The following FAM171B variants were observed in gnomAD, a reference collection of about 807,000 sequenced individuals.
FAM171B encodes the protein family with sequence similarity 171 member B.
Under a neutral mutation model 75.6 loss-of-function variants are expected in FAM171B, and 19 were observed. That is an observed-to-expected ratio of 0.25 (90% confidence interval 0.18 to 0.37). The LOEUF (loss-of-function observed/expected upper bound fraction) is 0.37, where lower values mean the gene tolerates loss of function less well. FAM171B is among the 10% of genes least tolerant of loss of function. FAM171B has a pLI of 1.00. For synonymous variants in FAM171B, 367 were observed against 361.7 expected, an observed-to-expected ratio of 1.01 and a Z score of -0.17; for missense variants, 848 against 982.4, an observed-to-expected ratio of 0.86 and a Z score of 1.83.
At chr2:186,733,277 A>G (rs1295458197) in intron 1 of FAM171B, among the ~76,000 whole-genome samples, 1 of 152,230 alleles carries the variant, frequency 6.6e-6, no homozygotes, top group Non-Finnish European at 1.5e-5. Context: ...TAACTGACCA[A>G]TGGGTTCTTC....
intron 1 of FAM171B, among the ~76,000 whole-genome samples, chr2:186,708,820 G>A (rs771547199): frequency 4.6e-5 from 7 of 152,136 alleles, no homozygotes; most frequent in African/African-American, 1.2e-4. Context: ...CCAGCAATAC[G>A]TTGTCTAAAG....
At chr2:186,738,480 G>C (rs967525459) in intron 1 of FAM171B, among the ~76,000 whole-genome samples, 1 of 151,806 alleles carries the variant, frequency 6.6e-6, no homozygotes, top group Non-Finnish European at 1.5e-5. Context: ...ATAGTCCATG[G>C]GTCTTCTTGG....
intron 1 of FAM171B, among the ~76,000 whole-genome samples, chr2:186,702,941 A>T (rs1322448348): frequency 2.6e-5 from 4 of 152,028 alleles, no homozygotes; most frequent in Non-Finnish European, 5.9e-5. Flanking sequence ...ATATCATCAT[A>T]ATTTAGGGAA....
chr2:186,749,322 G>A (rs189225421), intron 4 of FAM171B, among the ~76,000 whole-genome samples: 2 of 152,104 alleles, frequency 1.3e-5, no homozygotes, highest in African/African-American at 4.8e-5. Flanking sequence ...ATGCTGGTGT[G>A]TCAGTTTCAA....
intron 3 of FAM171B, among the ~76,000 whole-genome samples, chr2:186,744,621 G>A (rs879369187): frequency 3.9e-5 from 6 of 152,102 alleles, no homozygotes; most frequent in South Asian, 4.1e-4. Flanking sequence ...TCTGCCTCCC[G>A]GGTTCAAGTG....
intron 1 of FAM171B, among the ~76,000 whole-genome samples, chr2:186,739,591 T>C (rs1417979385): frequency 1.3e-5 from 2 of 152,160 alleles, no homozygotes; most frequent in Admixed American, 6.5e-5. Flanking sequence ...GTCTTCCACC[T>C]CCACATCTTG....
chr2:186,740,544 TG>T (rs1690274889), intron 2 of FAM171B, 83 bp downstream of exon 2: 1 of 1,194,848 alleles, frequency 8.4e-7, no homozygotes, highest in Non-Finnish European at 1.2e-6. Flanking sequence ...TATCTTGTTC[TG>T]GTAAGCTGAA....
chr2:186,751,745 T>C (rs748512404), intron 5 of FAM171B, among the ~76,000 whole-genome samples: 1 of 152,152 alleles, frequency 6.6e-6, no homozygotes, highest in Non-Finnish European at 1.5e-5. Flanking sequence ...CCTTAGATAC[T>C]AGTTTTGTTT....
chr2:186,705,171 C>T (rs990724092), intron 1 of FAM171B, among the ~76,000 whole-genome samples: 1 of 152,216 alleles, frequency 6.6e-6, no homozygotes, highest in Non-Finnish European at 1.5e-5. Flanking sequence ...AGTAGCAGCT[C>T]TGGGCAGTTT....
chr2:186,700,239 T>A (rs187053303), intron 1 of FAM171B, among the ~76,000 whole-genome samples: 2 of 144,486 alleles, frequency 1.4e-5, no homozygotes, highest in Non-Finnish European at 3.1e-5. Flanking sequence ...CTGAGTTTTG[T>A]TTTTTTTTTC....
chr2:186,705,312 C>T (rs1390991782), intron 1 of FAM171B, among the ~76,000 whole-genome samples: 1 of 152,114 alleles, frequency 6.6e-6, no homozygotes, highest in Non-Finnish European at 1.5e-5. Flanking sequence ...TAACTCCAGG[C>T]TGTTGCCATG....
intron 1 of FAM171B, among the ~76,000 whole-genome samples, chr2:186,731,500 C>T (rs1018685840): frequency 3.3e-5 from 5 of 152,024 alleles, no homozygotes; most frequent in East Asian, 1.9e-4. Flanking sequence ...GCTAGTGGCT[C>T]GGTAAATTTT....
intron 1 of FAM171B, among the ~76,000 whole-genome samples, chr2:186,737,567 C>T (rs573041020): frequency 6.6e-6 from 1 of 152,292 alleles, no homozygotes; most frequent in South Asian, 2.1e-4. Context: ...GTCTTGAACT[C>T]CTGGCCTCAA....
chr2:186,744,285 G>C (rs1294690984), intron 3 of FAM171B, among the ~76,000 whole-genome samples: 1 of 152,166 alleles, frequency 6.6e-6, no homozygotes, highest in Non-Finnish European at 1.5e-5. Flanking sequence ...GACTGATAAA[G>C]TGAGAAAGCC....
intron 1 of FAM171B, among the ~76,000 whole-genome samples, chr2:186,711,359 T>C (rs984707352): frequency 6.6e-6 from 1 of 152,196 alleles, no homozygotes; most frequent in Non-Finnish European, 1.5e-5. Context: ...TTATGGTGAA[T>C]CTATACAGCA....
intron 1 of FAM171B, among the ~76,000 whole-genome samples, chr2:186,694,793 A>ACACC (rs1181618643): frequency 8.3e-4 from 116 of 139,682 alleles, no homozygotes; most frequent in African/African-American, 3.3e-3. Flanking sequence ...ACACACACAC[A>ACACC]CCGTTCTTAA....
chr2:186,753,746 A>T (rs188512373), intron 5 of FAM171B, among the ~76,000 whole-genome samples, 187 bp from the exon 6 acceptor site: 1 of 152,272 alleles, frequency 6.6e-6, no homozygotes, highest in East Asian at 1.9e-4. Flanking sequence ...TTTTGGTCAC[A>T]ACAAATCATT....
At chr2:186,710,212 A>G (rs1021616602) in intron 1 of FAM171B, among the ~76,000 whole-genome samples, 1 of 152,174 alleles carries the variant, frequency 6.6e-6, no homozygotes, top group Non-Finnish European at 1.5e-5. Context: ...TAAGAGGAGA[A>G]GCATATGGGC....
intron 1 of FAM171B, among the ~76,000 whole-genome samples, chr2:186,736,885 G>T (rs1690210662): frequency 6.6e-6 from 1 of 151,940 alleles, no homozygotes; most frequent in African/African-American, 2.4e-5. Context: ...CAAATTTTGG[G>T]TAAAAATAGG....
Sources: allele counts gnomAD v4.1 joint callset (sites outside exome capture counted in the v4.1 genomes callset), GRCh38; gene constraint gnomAD v4.1.1; transcripts MANE v1.5; gene names NCBI Gene and HGNC (gene_info 2026-07-23, HGNC 2026-07-21).